SIRPG: variants seen among roughly 807,000 people sequenced by gnomAD.
The protein encoded by SIRPG is signal regulatory protein gamma.
In SIRPG, 38 loss-of-function variants were observed where a neutral mutation model predicts 35.7. The ratio of observed to expected loss-of-function variants is 1.06; its 90% CI spans 0.82 to 1.40. The LOEUF is 1.40. Ranked by LOEUF, SIRPG falls within the 40% of genes most tolerant of loss-of-function variation. The pLI, the probability that SIRPG is intolerant of heterozygous loss-of-function variation, is 0.00. For missense variants in SIRPG, 519 were observed against 483.0 expected (o/e 1.07, Z -0.70); for synonymous variants, 215 against 190.4 (o/e 1.13, Z -1.06).
At chr20:1,647,661 G>T (rs907378968) in intron 2 of SIRPG, 1 of 152,202 alleles carries the variant, frequency 6.6e-6, no homozygotes, top group African/African-American at 2.4e-5. Flanking sequence ...TCAACAGAAT[G>T]CTGTGAAATA....
chr20:1,638,017 A>G (rs867174011), intron 2 of SIRPG, among the ~76,000 whole-genome samples: 9 of 152,232 alleles, frequency 5.9e-5, no homozygotes, highest in Admixed American at 6.5e-5. Flanking sequence ...TTATGGGCAC[A>G]GTAAGAAGGG....
the SIRPG span, among the ~76,000 whole-genome samples, chr20:1,674,296 T>C: frequency 6.6e-6 from 1 of 151,960 alleles, no homozygotes; most frequent in Non-Finnish European, 1.5e-5. Context: ...CCAAACCCCA[T>C]GTATCCTTGA....
chr20:1,683,969 CAA>C, the SIRPG span, among the ~76,000 whole-genome samples: 16 of 137,306 alleles, frequency 1.2e-4, no homozygotes, highest in Non-Finnish European at 1.1e-4. Context: ...AACACCGTCT[CAA>C]AAAAAAAAAA....
At chr20:1,677,623 C>T in the SIRPG span, among the ~76,000 whole-genome samples, 6 of 152,092 alleles carry the variant, frequency 3.9e-5, no homozygotes, top group African/African-American at 7.2e-5. Context: ...GACTAATTAC[C>T]AAAACTTGGT....
chr20:1,630,546 G>T (rs1053024423), intron 4 of SIRPG: 3 of 486,808 alleles, frequency 6.2e-6, no homozygotes, highest in African/African-American at 4.0e-5. Flanking sequence ...GGTGGAGGGG[G>T]TGTGTACTCA....
At chr20:1,645,486 T>C (rs68067248) in intron 2 of SIRPG, among the ~76,000 whole-genome samples, 7,354 of 152,232 alleles carry the variant, frequency 0.048, 212 homozygotes, top group Middle Eastern at 0.065. Flanking sequence ...CCCCAAACCC[T>C]ATGTATCCTT....
chr20:1,655,177 C>T (rs62186952), intron 1 of SIRPG, among the ~76,000 whole-genome samples: 3,542 of 152,274 alleles, frequency 0.023, 56 homozygotes, highest in Middle Eastern at 0.037. Context: ...TCACTACTGG[C>T]ATATATCCAA....
chr20:1,651,733 T>G (rs77539865), intron 1 of SIRPG, among the ~76,000 whole-genome samples: 1 of 152,160 alleles, frequency 6.6e-6, no homozygotes, highest in African/African-American at 2.4e-5. Context: ...GTTTTTTTTT[T>G]GCCCTGATGC....
At chr20:1,651,435 C>T (rs886225717) in intron 1 of SIRPG, 3 of 152,322 alleles carry the variant, frequency 2.0e-5, no homozygotes, top group African/African-American at 7.2e-5. Flanking sequence ...CATCTCTCAT[C>T]TCTCTTGCTT....
chr20:1,653,439 G>A (rs1043156909), intron 1 of SIRPG, among the ~76,000 whole-genome samples: 4 of 152,162 alleles, frequency 2.6e-5, no homozygotes, highest in African/African-American at 9.7e-5. Flanking sequence ...GATTTCTGAG[G>A]CTTGGAGGCT....
intron 5 of SIRPG, among the ~76,000 whole-genome samples, chr20:1,629,859 A>G (rs1335527458): frequency 6.6e-6 from 1 of 152,124 alleles, no homozygotes; most frequent in African/African-American, 2.4e-5. Context: ...AACAGCCTTC[A>G]GGGCTTCCCA....
chr20:1,673,962 C>T, the SIRPG span, among the ~76,000 whole-genome samples: 12 of 152,170 alleles, frequency 7.9e-5, no homozygotes, highest in Admixed American at 7.2e-4. Flanking sequence ...CCTCCTTGTC[C>T]CCTAAGGCCT....
At chr20:1,661,452 T>C (rs1373258078), upstream of SIRPG, among the ~76,000 whole-genome samples, 2 of 152,062 alleles carry the variant, frequency 1.3e-5, no homozygotes. Flanking sequence ...GCAGGTAACA[T>C]GGGCTGAGAG....
At chr20:1,681,099 G>C in the SIRPG span, among the ~76,000 whole-genome samples, 2 of 152,186 alleles carry the variant, frequency 1.3e-5, no homozygotes, top group African/African-American at 2.4e-5. Flanking sequence ...TAAATGGATT[G>C]TTTCTGTTGA....
At chr20:1,658,180 C>T (rs976709182), upstream of SIRPG, among the ~76,000 whole-genome samples, 1 of 152,232 alleles carries the variant, frequency 6.6e-6, no homozygotes, top group Non-Finnish European at 1.5e-5. Flanking sequence ...GAGAAGAGTT[C>T]ACAGGACCTG....
At chr20:1,643,884 C>T (rs2091876187) in intron 2 of SIRPG, among the ~76,000 whole-genome samples, 1 of 152,232 alleles carries the variant, frequency 6.6e-6, no homozygotes, top group Non-Finnish European at 1.5e-5. Context: ...CTGGTTGGCT[C>T]CCACACCTGG....
chr20:1,642,080 T>G (rs927440410), intron 2 of SIRPG, among the ~76,000 whole-genome samples: 3 of 152,164 alleles, frequency 2.0e-5, no homozygotes, highest in Non-Finnish European at 4.4e-5. Context: ...TGATTTGGGG[T>G]GGAGAGTTCT....
intron 4 of SIRPG, among the ~76,000 whole-genome samples, chr20:1,631,106 A>C (rs902036501): frequency 2.0e-5 from 3 of 152,202 alleles, no homozygotes; most frequent in Non-Finnish European, 4.4e-5. Flanking sequence ...TAACATGAGC[A>C]GTTCAGGCTT....
the SIRPG span, among the ~76,000 whole-genome samples, chr20:1,676,169 C>A: frequency 6.6e-6 from 1 of 152,172 alleles, no homozygotes; most frequent in Non-Finnish European, 1.5e-5. Context: ...CAGGATAAAG[C>A]CCCCTTCTCC....
Sources: gnomAD v4.1 joint callset for allele counts (sites outside exome capture counted in the v4.1 genomes callset) on GRCh38, gnomAD v4.1.1 for gene constraint, MANE v1.5 for transcripts, NCBI Gene and HGNC (gene_info 2026-07-23, HGNC 2026-07-21) for gene names.